The following CCDC178 variants were observed in gnomAD, a reference collection of about 807,000 sequenced individuals.
CCDC178 encodes the protein coiled-coil domain-containing protein 178.
Under a neutral mutation model 117.4 loss-of-function variants are expected in CCDC178, and 126 were observed. The ratio of observed to expected loss-of-function variants is 1.07; its 90% CI spans 0.93 to 1.24. CCDC178 has a LOEUF of 1.24. CCDC178 is among the 50% of genes most tolerant of loss of function. The pLI, the probability that CCDC178 is intolerant of heterozygous loss-of-function variation, is 0.00. For missense variants in CCDC178, 1,030 were observed against 986.9 expected, an observed-to-expected ratio of 1.04 and a Z score of -0.59; for synonymous variants, 283 against 313.4, an observed-to-expected ratio of 0.90 and a Z score of 1.02.
At chr18:32,987,818 C>T (rs145415348) in intron 21 of CCDC178, among the ~76,000 whole-genome samples, 1 of 152,072 alleles carries the variant, frequency 6.6e-6, no homozygotes, top group Non-Finnish European at 1.5e-5. Flanking sequence ...ATACATTTGG[C>T]TGGGTGCAGT....
At chr18:33,130,154 A>C (rs1461113658) in intron 20 of CCDC178, among the ~76,000 whole-genome samples, 1 of 151,988 alleles carries the variant, frequency 6.6e-6, no homozygotes, top group Non-Finnish European at 1.5e-5. Flanking sequence ...TCATTACCGA[A>C]GAGCAAGGAT....
intron 2 of CCDC178, among the ~76,000 whole-genome samples, chr18:33,427,654 C>G (rs983338434): frequency 1.3e-5 from 2 of 152,072 alleles, no homozygotes; most frequent in Non-Finnish European, 2.9e-5. Context: ...AGCACATCTT[C>G]GGAAAGATTA....
At chr18:33,424,311 A>G (rs2064081923) in intron 2 of CCDC178, among the ~76,000 whole-genome samples, 1 of 152,224 alleles carries the variant, frequency 6.6e-6, no homozygotes, top group Non-Finnish European at 1.5e-5. Flanking sequence ...TTGAAAAATA[A>G]CGACTTGCTT....
chr18:33,224,796 A>C lies in CCDC178; in HGVS notation c.1797T>G (p.Ser599Arg). The stretch of plus-strand genomic sequence containing the variant: ...TTACAACAGAATGTTCTTTGTCGAG[A>C]CTTCTGATTCTTTCAGCTTCATCTT... ...QLEDEAERIRSLDKEHSVMLN... is the reference protein window; with the variant it reads ...QLEDEAERIRRLDKEHSVMLN... Residue 599 changes from serine to arginine, a missense_variant, in exon 17 of 23, where the codon AGT becomes AGG. Coordinates refer to ENST00000383096, the MANE Select transcript of CCDC178 (RefSeq NM_001105528.4). The C allele has an allele frequency of 6.5e-7, 1 of 1,533,584 alleles. No individual in the cohort carries two copies. Among genetic ancestry groups the C allele is most frequent in the Non-Finnish European group, 8.8e-7 (1 of 1,139,458 alleles). 95.0% of individuals were successfully genotyped at this position (1,533,584 alleles called of 1,614,324 possible). A position where few individuals can be genotyped will look rare whatever the true frequency, so the allele number is the denominator to read the frequency against.
intron 11 of CCDC178, among the ~76,000 whole-genome samples, chr18:33,299,798 A>C (rs988673682): frequency 4.6e-5 from 7 of 151,934 alleles, no homozygotes; most frequent in African/African-American, 1.7e-4. Flanking sequence ...CAAAAAACAA[A>C]AAACAAAAAA....
chr18:33,015,654 C>CA (rs1282057333), intron 21 of CCDC178, among the ~76,000 whole-genome samples: 1 of 150,348 alleles, frequency 6.7e-6, no homozygotes, highest in Non-Finnish European at 1.5e-5. Flanking sequence ...AAAAAAAATC[C>CA]AAAAAGCCCA....
intron 20 of CCDC178, among the ~76,000 whole-genome samples, chr18:33,097,472 T>C: frequency 6.6e-6 from 1 of 152,122 alleles, no homozygotes; most frequent in South Asian, 2.1e-4. Flanking sequence ...AGCATAGTCA[T>C]TTTACACCAT....
At chr18:33,166,440 C>T (rs1371291385) in intron 20 of CCDC178, among the ~76,000 whole-genome samples, 4 of 152,002 alleles carry the variant, frequency 2.6e-5, no homozygotes, top group African/African-American at 9.7e-5. Flanking sequence ...AAAAATCTCC[C>T]TACGGCACTA....
intron 2 of CCDC178, among the ~76,000 whole-genome samples, chr18:33,432,724 C>T (rs1001670258): frequency 1.3e-5 from 2 of 152,176 alleles, no homozygotes; most frequent in African/African-American, 2.4e-5. Context: ...TTATGATGCT[C>T]TGTAAGATAA....
intron 14 of CCDC178, among the ~76,000 whole-genome samples, chr18:33,266,608 A>T (rs2059818369): frequency 7.2e-6 from 1 of 138,024 alleles, no homozygotes; most frequent in Non-Finnish European, 1.5e-5. Context: ...ACATGGACAC[A>T]GGAAGGGGAA....
At chr18:33,162,808 C>T (rs759603484) in intron 20 of CCDC178, among the ~76,000 whole-genome samples, 13 of 152,092 alleles carry the variant, frequency 8.5e-5, no homozygotes, top group Non-Finnish European at 1.0e-4. Flanking sequence ...GTATATGTAC[C>T]GTATTTTATT....
intron 21 of CCDC178, among the ~76,000 whole-genome samples, chr18:33,061,454 T>A (rs999829210): frequency 6.6e-6 from 1 of 152,190 alleles, no homozygotes; most frequent in Admixed American, 6.5e-5. Context: ...TATTTTGATG[T>A]TGACAGAATG....
intron 12 of CCDC178, among the ~76,000 whole-genome samples, chr18:33,273,895 A>T (rs1260463083): frequency 1.3e-5 from 2 of 151,804 alleles, no homozygotes; most frequent in Non-Finnish European, 3.0e-5. Flanking sequence ...ACAAACTTTT[A>T]GTTTTTAAAC....
chr18:33,095,121 C>T lies in CCDC178; in HGVS notation c.2239-2211G>A, dbSNP rs543085388. ...AGGGAAATAGCTCATAAAAGGATAA[C>T]TGGAATGTAGAATTCTTCTTTTTTT... On this transcript the variant is annotated intron_variant, in intron 20 of 22. Coordinates refer to ENST00000383096, the MANE Select transcript of CCDC178 (RefSeq NM_001105528.4). 1.8e-4 allele frequency among the ~76,000 whole-genome samples: 28 copies of T among 151,970 alleles called. 1 individual carries two copies. The South Asian group carries it at 5.8e-3, about 32-fold the overall frequency.
intron 20 of CCDC178, among the ~76,000 whole-genome samples, chr18:33,096,756 C>A (rs559706499): frequency 7.8e-4 from 118 of 152,162 alleles, no homozygotes; most frequent in African/African-American, 2.7e-3. Flanking sequence ...GTTCTGGAAA[C>A]CATTCCACTT....
intron 3 of CCDC178, 37 bp downstream of exon 3, chr18:33,411,994 A>G (rs1004707903): frequency 9.6e-7 from 1 of 1,040,728 alleles, no homozygotes. Flanking sequence ...TTATCTATGA[A>G]CTATTTTCAA....
At chr18:33,333,581 T>A (rs553690521) in intron 9 of CCDC178, among the ~76,000 whole-genome samples, 187 bp from the exon 10 acceptor site, 1 of 148,100 alleles carries the variant, frequency 6.8e-6, no homozygotes, top group African/African-American at 2.5e-5. Context: ...AATGGCACGA[T>A]CTTGGCTTAC....
At chr18:33,366,280 C>CA (rs1245450849) in intron 6 of CCDC178, among the ~76,000 whole-genome samples, 3 of 152,008 alleles carry the variant, frequency 2.0e-5, no homozygotes, top group African/African-American at 7.2e-5. Context: ...GCAGGGCCAG[C>CA]ATAGTGAGAC....
intron 21 of CCDC178, among the ~76,000 whole-genome samples, 178 bp downstream of exon 21, chr18:33,092,583 T>G (rs2057482587): frequency 6.6e-6 from 1 of 152,118 alleles, no homozygotes. Context: ...TCTCCAATAT[T>G]CTTTCAAAAT....
Sources: allele counts gnomAD v4.1 joint callset (sites outside exome capture counted in the v4.1 genomes callset), GRCh38; gene constraint gnomAD v4.1.1; transcripts MANE v1.5; gene names NCBI Gene and HGNC (gene_info 2026-07-23, HGNC 2026-07-21).